RGS6: variants seen among roughly 807,000 people sequenced by gnomAD.
The protein encoded by RGS6 is regulator of G-protein signaling 6.
A neutral mutation model predicts 78.5 loss-of-function variants in RGS6; 30 were observed. The ratio of observed to expected loss-of-function variants is 0.38; its 90% CI spans 0.29 to 0.52. The LOEUF is 0.52. Ranked by LOEUF, RGS6 falls within the 20% of genes least tolerant of loss-of-function variation. RGS6 has a pLI of 0.85. For missense variants in RGS6, 495 were observed against 609.7 expected (o/e 0.81, Z 1.98); for synonymous variants, 206 against 206.0 (o/e 1.00, Z 0.00).
chr14:71,884,577 T>A, the RGS6 span, among the ~76,000 whole-genome samples: 1 of 151,800 alleles, frequency 6.6e-6, no homozygotes, highest in Non-Finnish European at 1.5e-5. Flanking sequence ...GGGAGAAGAG[T>A]CAAGGGTGGA....
intron 15 of RGS6, among the ~76,000 whole-genome samples, chr14:72,529,755 C>T (rs1471086452): frequency 6.6e-6 from 1 of 152,210 alleles, no homozygotes; most frequent in Admixed American, 6.5e-5. Context: ...CCACCATTCC[C>T]CACTTGTAGC....
chr14:71,988,031 A>G (rs528701628), intron 2 of RGS6, among the ~76,000 whole-genome samples: 1 of 152,010 alleles, frequency 6.6e-6, no homozygotes, highest in Admixed American at 6.6e-5. Flanking sequence ...GTCATTTTCC[A>G]TGTTCTGGTC....
chr14:72,111,922 T>C (rs776167163), intron 2 of RGS6, among the ~76,000 whole-genome samples: 5 of 152,180 alleles, frequency 3.3e-5, no homozygotes, highest in Admixed American at 6.5e-5. Flanking sequence ...TAACTAAACA[T>C]GTTAAAGGAG....
At chr14:72,478,822 T>C (rs1451471856) in intron 12 of RGS6, among the ~76,000 whole-genome samples, 2 of 152,222 alleles carry the variant, frequency 1.3e-5, no homozygotes, top group Admixed American at 1.3e-4. Context: ...AGAAAATATT[T>C]GGCCCCTCCA....
intron 2 of RGS6, among the ~76,000 whole-genome samples, chr14:72,089,379 G>C (rs930706142): frequency 3.3e-5 from 5 of 152,244 alleles, no homozygotes; most frequent in Non-Finnish European, 5.9e-5. Flanking sequence ...CTGTGACCCA[G>C]TAGTGTACAT....
chr14:71,981,217 G>A (rs1044343793), intron 2 of RGS6, among the ~76,000 whole-genome samples: 14 of 150,956 alleles, frequency 9.3e-5, no homozygotes, highest in Non-Finnish European at 1.3e-4. Flanking sequence ...ATGTCCTCCC[G>A]TAGCTCAGAG....
Position 72,176,126 on chromosome 14 carries a change from C to T in RGS6, c.85-175969C>T, listed in dbSNP as rs116083430. ...GAGTCCCTGTGATTTTTCCAGTCCA[C>T]CCCTTAGTTGAAGTAAGGCAAAATT... is the stretch of plus-strand genomic sequence containing the variant. On this transcript the variant is annotated intron_variant, in intron 2 of 17. Coordinates refer to ENST00000553525, the MANE Select transcript of RGS6 (RefSeq NM_001204424.2). Among the ~76,000 whole-genome samples the T allele has an allele frequency of 4.6e-3, 694 of 152,320 alleles. 7 individuals are homozygous for T. Among genetic ancestry groups the T allele is most frequent in the African/African-American group, 0.016 (656 of 41,572 alleles).
At chr14:72,335,749 TAAG>T (rs2075909416) in intron 2 of RGS6, among the ~76,000 whole-genome samples, 2 of 152,350 alleles carry the variant, frequency 1.3e-5, no homozygotes, top group South Asian at 4.2e-4. Context: ...CTTAATGTTT[TAAG>T]AATGTTTACA....
intron 2 of RGS6, among the ~76,000 whole-genome samples, chr14:72,276,315 G>C (rs1245099129): frequency 6.6e-6 from 1 of 152,150 alleles, no homozygotes; most frequent in African/African-American, 2.4e-5. Context: ...ATTCTCAATG[G>C]GGGCAATGTA....
chr14:72,262,504 A>G lies in RGS6; in HGVS notation c.85-89591A>G, dbSNP rs188428227. ...CTATTAGGGCCCATCTCTTATGACC[A>G]TAGTTAACTTCCCTAAAGGGCCTAT... On this transcript the variant is annotated intron_variant, in intron 2 of 17. Transcript: ENST00000553525. Among the ~76,000 whole-genome samples the G allele has an allele frequency of 7.2e-5, 11 of 152,288 alleles. No homozygotes were observed. The East Asian group carries it at 2.1e-3, about 29-fold the overall frequency.
At chr14:71,970,544 G>A (rs2093738266) in intron 2 of RGS6, among the ~76,000 whole-genome samples, 1 of 152,204 alleles carries the variant, frequency 6.6e-6, no homozygotes, top group Non-Finnish European at 1.5e-5. Context: ...ATGCTATGGA[G>A]GAAGCTAGGG....
intron 6 of RGS6, among the ~76,000 whole-genome samples, chr14:72,460,562 G>T (rs2095752331): frequency 6.6e-6 from 1 of 152,196 alleles, no homozygotes; most frequent in African/African-American, 2.4e-5. Flanking sequence ...CTTGAACTCA[G>T]ATCTGAGTGG....
intron 16 of RGS6, chr14:72,537,649 G>A (rs1401313267): frequency 1.5e-6 from 1 of 655,932 alleles, no homozygotes; most frequent in East Asian, 2.7e-5. Flanking sequence ...TTTTTTCTAA[G>A]AACTAGAGGA....
the RGS6 span, among the ~76,000 whole-genome samples, chr14:71,873,275 A>C: frequency 8.6e-4 from 131 of 152,242 alleles, no homozygotes; most frequent in Admixed American, 1.3e-3. Context: ...AAAAGCATTC[A>C]TATTTCTCCA....
Position 72,342,725 on chromosome 14 carries a change from CAAA to C in RGS6, c.85-9347_85-9345del, listed in dbSNP as rs58717636. ...AGCCTGTGCAACAGAGGCTTTGTCT[CAAA>C]AAAAAAAAAAAAAAAAAAAAAAGTT... On this transcript the variant is annotated intron_variant, in intron 2 of 17. Transcript: ENST00000553525. Among the ~76,000 whole-genome samples, 164 of 71,416 alleles carry C rather than the reference CAAA, an allele frequency of 2.3e-3. 1 individual carries two copies. The highest frequency in any genetic ancestry group is 0.015 in the Admixed American group (84 of 5,714). The allele number at this position is 71,416 out of a possible 152,430, so 46.9% of individuals were successfully genotyped here.
intron 2 of RGS6, among the ~76,000 whole-genome samples, chr14:72,083,601 G>C (rs532680160): frequency 6.6e-6 from 1 of 152,156 alleles, no homozygotes; most frequent in African/African-American, 2.4e-5. Context: ...GATGGAGCTG[G>C]TCTTCTGAGC....
intron 2 of RGS6, among the ~76,000 whole-genome samples, chr14:72,293,917 G>A (rs756314048): frequency 2.0e-5 from 3 of 152,188 alleles, no homozygotes; most frequent in African/African-American, 4.8e-5. Context: ...TTGTGGAAAC[G>A]GGACAGGCTG....
intron 2 of RGS6, among the ~76,000 whole-genome samples, chr14:72,004,815 G>A (rs2084187277): frequency 1.3e-5 from 2 of 151,726 alleles, no homozygotes; most frequent in Admixed American, 1.3e-4. Context: ...GACAGAGCAA[G>A]ACCCTGTCTC....
chr14:72,288,844 T>G (rs867608948), intron 2 of RGS6, among the ~76,000 whole-genome samples: 1 of 152,182 alleles, frequency 6.6e-6, no homozygotes, highest in Non-Finnish European at 1.5e-5. Flanking sequence ...AAACATCTTA[T>G]GTAGATTTTT....
Sources: allele counts gnomAD v4.1 joint callset (sites outside exome capture counted in the v4.1 genomes callset), GRCh38; gene constraint gnomAD v4.1.1; transcripts MANE v1.5; gene names NCBI Gene and HGNC (gene_info 2026-07-23, HGNC 2026-07-21).